The following NKAIN3 variants were observed in gnomAD, a reference collection of about 807,000 sequenced individuals.
NKAIN3 encodes the protein sodium/potassium-transporting ATPase subunit beta-1-interacting protein 3.
NKAIN3 carries 25 observed loss-of-function variants against 30.2 expected under a neutral mutation model. The observed-to-expected ratio is 0.83, with a 90% CI of 0.60 to 1.16. The LOEUF is 1.16. Ranked by LOEUF, NKAIN3 falls within the 50% of genes most tolerant of loss-of-function variation. The probability of loss-of-function intolerance (pLI) is 0.00; values close to 1 mark genes in which losing one functional copy is unlikely to be tolerated. For synonymous variants in NKAIN3, 91 were observed against 89.6 expected (o/e 1.02, Z -0.09); for missense variants, 225 against 254.1 (o/e 0.89, Z 0.78).
chr8:62,727,438 T>C (rs1815296404), intron 3 of NKAIN3, among the ~76,000 whole-genome samples: 1 of 152,130 alleles, frequency 6.6e-6, no homozygotes, highest in Non-Finnish European at 1.5e-5. Flanking sequence ...GTCATCTATG[T>C]AGAAGATCAA....
chr8:62,519,716 A>T (rs752485543), intron 1 of NKAIN3, among the ~76,000 whole-genome samples: 1 of 152,174 alleles, frequency 6.6e-6, no homozygotes, highest in African/African-American at 2.4e-5. Context: ...GAGTTAACAT[A>T]TAAAAACATC....
intron 4 of NKAIN3, among the ~76,000 whole-genome samples, chr8:62,905,180 G>A (rs1464537682): frequency 6.6e-6 from 1 of 152,164 alleles, no homozygotes; most frequent in Non-Finnish European, 1.5e-5. Context: ...GAGAGGGTTT[G>A]TGCATGCAGA....
chr8:62,506,831 T>A (rs963983101), intron 1 of NKAIN3, among the ~76,000 whole-genome samples: 1 of 152,148 alleles, frequency 6.6e-6, no homozygotes, highest in Non-Finnish European at 1.5e-5. Context: ...GAGGTGACCA[T>A]GTCAGAATTT....
intron 3 of NKAIN3, among the ~76,000 whole-genome samples, chr8:62,684,519 A>T (rs1455344633): frequency 6.6e-6 from 1 of 152,160 alleles, no homozygotes; most frequent in Non-Finnish European, 1.5e-5. Flanking sequence ...TGCTGCTGAG[A>T]CAGTACTTCT....
intron 1 of NKAIN3, among the ~76,000 whole-genome samples, chr8:62,363,254 C>T (rs1816622102): frequency 1.3e-5 from 2 of 152,188 alleles, no homozygotes; most frequent in Non-Finnish European, 2.9e-5. Flanking sequence ...ATACCTAAGA[C>T]ATCTTCCAGG....
chr8:62,316,930 A>G (rs950063659), intron 1 of NKAIN3, among the ~76,000 whole-genome samples: 1 of 152,158 alleles, frequency 6.6e-6, no homozygotes, highest in Non-Finnish European at 1.5e-5. Context: ...CATCCTTTCC[A>G]GCACCTGTTG....
chr8:62,614,229 C>T (rs751852715), intron 3 of NKAIN3, among the ~76,000 whole-genome samples: 7 of 152,132 alleles, frequency 4.6e-5, no homozygotes, highest in Non-Finnish European at 7.3e-5. Context: ...ATCACAAGCC[C>T]AGTAACTCTG....
At chr8:62,553,050 G>A (rs898668617) in intron 1 of NKAIN3, among the ~76,000 whole-genome samples, 1 of 152,152 alleles carries the variant, frequency 6.6e-6, no homozygotes, top group Non-Finnish European at 1.5e-5. Context: ...TCAGCAATTT[G>A]GGGAAGAATG....
rs145815415 is a variant in NKAIN3 at position 62,809,444 on chromosome 8, T to A, written c.471+62315T>A. On this transcript the variant is annotated intron_variant, in intron 4 of 6. Transcript: ENST00000623646. ...TTATAAAAGTACTAATTTGGGGAACTAATAAATGTCCATGAAATCTTCACA... is the reference window on the plus strand; with the variant it reads ...TTATAAAAGTACTAATTTGGGGAACAAATAAATGTCCATGAAATCTTCACA... Among the ~76,000 whole-genome samples the A allele has an allele frequency of 3.0e-4, 46 of 152,156 alleles. 1 individual carries two copies. Among genetic ancestry groups the A allele is most frequent in the Admixed American group, 2.9e-3 (45 of 15,268 alleles).
intron 1 of NKAIN3, among the ~76,000 whole-genome samples, chr8:62,513,272 C>A (rs987347684): frequency 1.3e-5 from 2 of 151,124 alleles, no homozygotes; most frequent in South Asian, 2.1e-4. Flanking sequence ...AATGTTGAGG[C>A]CTTTGACTGC....
chr8:62,397,878 A>C (rs1585762416), intron 1 of NKAIN3, among the ~76,000 whole-genome samples: 3 of 152,310 alleles, frequency 2.0e-5, no homozygotes, highest in Admixed American at 6.5e-5. Flanking sequence ...ACTTATAAAA[A>C]TCAGGGGAAC....
intron 5 of NKAIN3, among the ~76,000 whole-genome samples, chr8:62,934,186 A>G (rs1434992315): frequency 1.3e-5 from 2 of 152,084 alleles, no homozygotes; most frequent in Non-Finnish European, 2.9e-5. Flanking sequence ...GAAGCTTGAG[A>G]CCAGTCTGGG....
chr8:62,858,251 A>G (rs902611911), intron 4 of NKAIN3, among the ~76,000 whole-genome samples: 1 of 151,646 alleles, frequency 6.6e-6, no homozygotes, highest in African/African-American at 2.4e-5. Context: ...CCCGGGGGGT[A>G]CGGACCTGTT....
In NKAIN3 at chr8:62,573,672, G is replaced by A. The variant is rs1290838796; in HGVS notation, c.55-5867G>A. On this transcript the variant is annotated intron_variant, in intron 1 of 6. Transcript: ENST00000623646. ...GCTTTCTTTTAGAAATAATTCCACT[G>A]TTCTTTTTTTAAGTGTCTAAGATTT... is the stretch of plus-strand genomic sequence containing the variant. Among the ~76,000 whole-genome samples the A allele has an allele frequency of 3.3e-5, 5 of 151,702 alleles. No individual in the cohort carries two copies. In the South Asian group the frequency reaches 6.2e-4, roughly 19 times the overall value.
intron 4 of NKAIN3, chr8:62,855,928 C>A: frequency 1.3e-6 from 1 of 747,858 alleles, no homozygotes; most frequent in Non-Finnish European, 2.5e-6. Context: ...CGTGATGCTA[C>A]AACCTCCTTG....
chr8:62,888,607 T>G (rs960805693), intron 4 of NKAIN3, among the ~76,000 whole-genome samples: 2 of 152,188 alleles, frequency 1.3e-5, no homozygotes, highest in Admixed American at 6.5e-5. Context: ...GATTTTTCAG[T>G]TTTTCTAGCT....
At chr8:62,601,216 A>G (rs989804597) in intron 3 of NKAIN3, among the ~76,000 whole-genome samples, 38 of 152,204 alleles carry the variant, frequency 2.5e-4, no homozygotes, top group African/African-American at 8.9e-4. Flanking sequence ...TTAAACAAAT[A>G]CAACCTACTG....
Position 62,648,842 on chromosome 8 carries a change from G to T in NKAIN3, c.273+59048G>T, listed in dbSNP as rs530807891. On this transcript the variant is annotated intron_variant, in intron 3 of 6. Coordinates refer to ENST00000623646, the MANE Select transcript of NKAIN3 (RefSeq NM_001304533.3). Reference sequence around the variant, plus strand: ...GGGCTTCTTATGCCCTCCCCAAGATGAACCTGAGGGAGGCCTTGCCACAGG... The same window carrying T: ...GGGCTTCTTATGCCCTCCCCAAGATTAACCTGAGGGAGGCCTTGCCACAGG... Among the ~76,000 whole-genome samples the T allele has an allele frequency of 3.3e-5, 5 of 152,264 alleles. No homozygotes were observed. In the South Asian group the frequency reaches 1.0e-3, roughly 32 times the overall value.
At chr8:62,690,547 T>C (rs1563517849) in intron 3 of NKAIN3, among the ~76,000 whole-genome samples, 1 of 152,194 alleles carries the variant, frequency 6.6e-6, no homozygotes, top group Non-Finnish European at 1.5e-5. Flanking sequence ...GTATTCAGCA[T>C]TAGCGCCTCC....
Sources: allele counts gnomAD v4.1 joint callset (sites outside exome capture counted in the v4.1 genomes callset), GRCh38; gene constraint gnomAD v4.1.1; transcripts MANE v1.5; gene names NCBI Gene and HGNC (gene_info 2026-07-23, HGNC 2026-07-21).